The following FAT3 variants were observed in gnomAD, a reference collection of about 807,000 sequenced individuals.
The protein encoded by FAT3 is protocadherin Fat 3.
In FAT3, 95 loss-of-function variants were observed where a neutral mutation model predicts 310.2. That is an observed-to-expected ratio of 0.31 (90% CI 0.26 to 0.36). The LOEUF (loss-of-function observed/expected upper bound fraction) is 0.36. Among genes scored for constraint, FAT3 ranks in the 10% least tolerant of loss-of-function variants. The pLI is 1.00. For synonymous variants in FAT3, 2,314 were observed against 2,192.9 expected, an observed-to-expected ratio of 1.06 and a Z score of -1.54; for missense variants, 5,408 against 5,715.6, an observed-to-expected ratio of 0.95 and a Z score of 1.74.
chr11:92,279,595 A>AT (rs1946369163), intron 1 of FAT3, among the ~76,000 whole-genome samples: 3 of 152,302 alleles, frequency 2.0e-5, no homozygotes, highest in Middle Eastern at 3.4e-3. Flanking sequence ...TTATGGGGGC[A>AT]TGGGATATTT....
At chr11:92,807,651 G>A (rs1947542313) in intron 12 of FAT3, among the ~76,000 whole-genome samples, 1 of 151,984 alleles carries the variant, frequency 6.6e-6, no homozygotes, top group Non-Finnish European at 1.5e-5. Flanking sequence ...ATGGCTTTAG[G>A]GTCCTTTTCT....
intron 3 of FAT3, among the ~76,000 whole-genome samples, chr11:92,553,715 TCCTTCC>T (rs1954904270): frequency 8.7e-6 from 1 of 114,928 alleles, no homozygotes; most frequent in African/African-American, 2.8e-5. Flanking sequence ...CTTCCTTCCT[TCCTTCC>T]TTTTTCGTTG....
At chr11:92,780,503 G>A (rs139045321) in intron 7 of FAT3, among the ~76,000 whole-genome samples, 76 of 152,192 alleles carry the variant, frequency 5.0e-4, no homozygotes, top group African/African-American at 1.4e-3. Context: ...GAAAAATAAC[G>A]TACTACTGTC....
rs1030721534 is a variant in FAT3 at position 92,285,396 on chromosome 11, C to G, written c.-18+60222C>G. 5.3e-5 allele frequency among the ~76,000 whole-genome samples: 8 copies of G among 152,176 alleles called. No homozygotes were observed. The East Asian group carries it at 1.5e-3, about 29-fold the overall frequency. Reference sequence around the variant, plus strand: ...TTATTTTGCTAAATGGTTAGTCGTTCTATTGTGGAAAAAAGCGAATATGCT... The same window carrying G: ...TTATTTTGCTAAATGGTTAGTCGTTGTATTGTGGAAAAAAGCGAATATGCT... On this transcript the variant is annotated intron_variant, in intron 1 of 27. Transcript: ENST00000525166.
chr11:92,233,716 C>T (rs191370512), intron 1 of FAT3, among the ~76,000 whole-genome samples: 24 of 152,228 alleles, frequency 1.6e-4, no homozygotes, highest in African/African-American at 5.8e-4. Flanking sequence ...GCAATCTAGG[C>T]AATTGAACAA....
intron 1 of FAT3, among the ~76,000 whole-genome samples, chr11:92,225,553 C>G (rs950007085): frequency 2.0e-5 from 3 of 152,058 alleles, no homozygotes; most frequent in Non-Finnish European, 4.4e-5. Flanking sequence ...GTTCAGGTGG[C>G]GAGCCTGCTT....
At chr11:92,397,670 C>T (rs1565284755) in intron 2 of FAT3, among the ~76,000 whole-genome samples, 1 of 152,078 alleles carries the variant, frequency 6.6e-6, no homozygotes, top group Non-Finnish European at 1.5e-5. Context: ...GCTCTTTCCA[C>T]TCATCCTCAG....
At chr11:92,853,873 A>T (rs1379515701) in intron 19 of FAT3, among the ~76,000 whole-genome samples, 1 of 152,162 alleles carries the variant, frequency 6.6e-6, no homozygotes, top group Admixed American at 6.5e-5. Context: ...TTCTCACTCC[A>T]GTCTGTGGAA....
At chr11:92,727,091 A>G (rs1345815229) in intron 4 of FAT3, among the ~76,000 whole-genome samples, 1 of 152,216 alleles carries the variant, frequency 6.6e-6, no homozygotes, top group Non-Finnish European at 1.5e-5. Context: ...AATTTCGATT[A>G]ACTTCATAAA....
intron 3 of FAT3, among the ~76,000 whole-genome samples, chr11:92,593,088 G>T (rs1939518163): frequency 6.6e-6 from 1 of 152,074 alleles, no homozygotes; most frequent in African/African-American, 2.4e-5. Flanking sequence ...GCTTATTTCT[G>T]TTAGCATAAT....
At chr11:92,876,837 A>G (rs1386686216) in intron 22 of FAT3, among the ~76,000 whole-genome samples, 2 of 152,214 alleles carry the variant, frequency 1.3e-5, no homozygotes, top group Admixed American at 6.5e-5. Flanking sequence ...ATTTTTAACT[A>G]TCTTTTATCT....
chr11:92,738,567 T>C (rs1380024729), intron 4 of FAT3, among the ~76,000 whole-genome samples: 1 of 152,200 alleles, frequency 6.6e-6, no homozygotes, highest in African/African-American at 2.4e-5. Flanking sequence ...CAAGGAGTAA[T>C]TACTGAACAC....
intron 6 of FAT3, 21 bp from the exon 7 acceptor site, chr11:92,774,020 A>C (rs905644151): frequency 6.2e-7 from 1 of 1,611,144 alleles, no homozygotes. Flanking sequence ...TGCTAATTTC[A>C]TGTTTCTGTG....
At chr11:92,718,197 A>G (rs1944746398) in intron 4 of FAT3, among the ~76,000 whole-genome samples, 1 of 152,156 alleles carries the variant, frequency 6.6e-6, no homozygotes, top group African/African-American at 2.4e-5. Flanking sequence ...AGACCCTTCA[A>G]CTAAACTTTG....
At chr11:92,464,881 A>G (rs1951723799) in intron 2 of FAT3, among the ~76,000 whole-genome samples, 2 of 152,194 alleles carry the variant, frequency 1.3e-5, no homozygotes, top group African/African-American at 4.8e-5. Context: ...GGACCATGCC[A>G]TTTAAACTCT....
chr11:92,279,118 T>C (rs1214233518), intron 1 of FAT3, among the ~76,000 whole-genome samples: 1 of 152,206 alleles, frequency 6.6e-6, no homozygotes, highest in Non-Finnish European at 1.5e-5. Context: ...ATTACATTAC[T>C]AAACCTTTTA....
At chr11:92,555,552 A>G (rs1165926362) in intron 3 of FAT3, among the ~76,000 whole-genome samples, 1 of 152,148 alleles carries the variant, frequency 6.6e-6, no homozygotes, top group African/African-American at 2.4e-5. Flanking sequence ...TGTCTAGGCC[A>G]CCTTCTGGTC....
intron 3 of FAT3, among the ~76,000 whole-genome samples, chr11:92,570,210 G>A (rs557048486): frequency 6.6e-6 from 1 of 152,178 alleles, no homozygotes; most frequent in African/African-American, 2.4e-5. Context: ...CCCTCACAGT[G>A]CTTTCCAGTG....
At chr11:92,525,253 T>C (rs142847779) in intron 3 of FAT3, among the ~76,000 whole-genome samples, 36 of 152,302 alleles carry the variant, frequency 2.4e-4, no homozygotes, top group African/African-American at 7.9e-4. Flanking sequence ...CTTCTCTTTC[T>C]TGAAAAGAGT....
Sources: allele counts gnomAD v4.1 joint callset (sites outside exome capture counted in the v4.1 genomes callset), GRCh38; gene constraint gnomAD v4.1.1; transcripts MANE v1.5; gene names NCBI Gene and HGNC (gene_info 2026-07-23, HGNC 2026-07-21).